PCDH9: variants seen among roughly 807,000 people sequenced by gnomAD.
The protein encoded by PCDH9 is protocadherin-9.
Under a neutral mutation model 70.6 loss-of-function variants are expected in PCDH9, and 24 were observed. That is an observed-to-expected ratio of 0.34 (90% CI 0.25 to 0.48). The LOEUF is 0.48. PCDH9 is among the 20% of genes least tolerant of loss of function. The probability of loss-of-function intolerance (pLI) is 0.99; values close to 1 mark genes in which losing one functional copy is unlikely to be tolerated. For missense variants in PCDH9, 1,281 were observed against 1,503.6 expected (o/e 0.85, Z 2.45); for synonymous variants, 562 against 558.5 (o/e 1.01, Z -0.09).
intron 3 of PCDH9, among the ~76,000 whole-genome samples, chr13:66,686,129 C>T (rs1488430577): frequency 6.6e-6 from 1 of 152,140 alleles, no homozygotes; most frequent in Non-Finnish European, 1.5e-5. Flanking sequence ...CCTGTGTCCC[C>T]ACCCAAATCT....
chr13:66,951,337 CT>C (rs1280982799), intron 2 of PCDH9, among the ~76,000 whole-genome samples: 1 of 152,136 alleles, frequency 6.6e-6, no homozygotes, highest in Non-Finnish European at 1.5e-5. Flanking sequence ...TGAAAGATGT[CT>C]CTGGAAAATC....
At chr13:66,632,020 A>G (rs934177945) in intron 3 of PCDH9, among the ~76,000 whole-genome samples, 12 of 152,146 alleles carry the variant, frequency 7.9e-5, no homozygotes, top group African/African-American at 2.7e-4. Context: ...CAGCCTTCCA[A>G]GTAGCTGGGA....
intron 2 of PCDH9, among the ~76,000 whole-genome samples, chr13:67,043,828 A>G (rs2085170000): frequency 6.6e-6 from 1 of 152,138 alleles, no homozygotes. Context: ...GATTAAATAT[A>G]CATAGCCTTG....
intron 2 of PCDH9, among the ~76,000 whole-genome samples, chr13:66,988,158 C>T (rs1012363885): frequency 8.6e-5 from 13 of 151,904 alleles, no homozygotes; most frequent in Admixed American, 2.6e-4. Flanking sequence ...ACCTTGGGAA[C>T]TTTTATTTCT....
chr13:67,052,695 G>A lies in PCDH9; in HGVS notation c.3037-149090C>T, dbSNP rs534422085. 3.7e-4 allele frequency among the ~76,000 whole-genome samples: 56 copies of A among 152,190 alleles called. 1 individual carries two copies. The South Asian group carries it at 8.3e-3, about 23-fold the overall frequency. ...GGGAGTGAATGTGGGTTGACTTAGG[G>A]AAGTGAGATTTTTATATAGATTATA... is the stretch of plus-strand genomic sequence containing the variant. On this transcript the variant is annotated intron_variant, in intron 2 of 4. Transcript: ENST00000377865.
chr13:66,949,991 G>A (rs1022325179), intron 2 of PCDH9, among the ~76,000 whole-genome samples: 15 of 151,952 alleles, frequency 9.9e-5, no homozygotes, highest in African/African-American at 2.4e-4. Flanking sequence ...TTCTAGGTTC[G>A]ATATTCACTT....
chr13:67,204,947 ATTAC>A (rs1000663694), intron 2 of PCDH9: 2 of 152,188 alleles, frequency 1.3e-5, no homozygotes, highest in Non-Finnish European at 1.5e-5. Flanking sequence ...CTAAAAAGAG[ATTAC>A]TTAAAGTGTT....
At chr13:66,469,590 A>G (rs1178369023) in intron 4 of PCDH9, among the ~76,000 whole-genome samples, 1 of 152,058 alleles carries the variant, frequency 6.6e-6, no homozygotes, top group East Asian at 1.9e-4. Flanking sequence ...GCTATCCACG[A>G]CCCAGTAGAT....
At chr13:66,434,061 C>T (rs1957822885) in intron 4 of PCDH9, among the ~76,000 whole-genome samples, 1 of 151,826 alleles carries the variant, frequency 6.6e-6, no homozygotes, top group Non-Finnish European at 1.5e-5. Flanking sequence ...TCCAATGTCC[C>T]TTTAACTTAC....
chr13:66,614,776 G>C (rs1244134761), intron 4 of PCDH9, among the ~76,000 whole-genome samples: 1 of 152,140 alleles, frequency 6.6e-6, no homozygotes, highest in Non-Finnish European at 1.5e-5. Context: ...TGCAGAAAGG[G>C]TACACTCGCC....
chr13:66,896,899 C>A (rs1235528517), intron 3 of PCDH9, among the ~76,000 whole-genome samples: 1 of 152,118 alleles, frequency 6.6e-6, no homozygotes, highest in Non-Finnish European at 1.5e-5. Flanking sequence ...AAGTAAAATT[C>A]TCATTTTTCT....
intron 4 of PCDH9, among the ~76,000 whole-genome samples, chr13:66,519,170 T>C (rs566989965): frequency 6.6e-6 from 1 of 152,288 alleles, no homozygotes; most frequent in Admixed American, 6.5e-5. Context: ...TTTGACATCC[T>C]ATTCTGATAA....
At chr13:66,609,170 A>C (rs954870874) in intron 4 of PCDH9, among the ~76,000 whole-genome samples, 7 of 152,228 alleles carry the variant, frequency 4.6e-5, no homozygotes, top group Non-Finnish European at 2.9e-5. Context: ...AGTAAATGAC[A>C]CACAATAAGA....
intron 3 of PCDH9, among the ~76,000 whole-genome samples, chr13:66,647,345 G>C (rs890055018): frequency 6.6e-6 from 1 of 152,054 alleles, no homozygotes; most frequent in Non-Finnish European, 1.5e-5. Flanking sequence ...CTTGCAACTT[G>C]CTTACAAGCT....
intron 4 of PCDH9, among the ~76,000 whole-genome samples, chr13:66,355,034 G>A (rs1802421941): frequency 2.0e-5 from 3 of 152,150 alleles, no homozygotes; most frequent in Admixed American, 1.3e-4. Flanking sequence ...TAATGCTGCC[G>A]GTCGGTCCAT....
intron 2 of PCDH9, among the ~76,000 whole-genome samples, chr13:67,066,218 GCAGGCCATAATTTGGGT>G (rs2085644471): frequency 6.6e-6 from 1 of 151,858 alleles, no homozygotes; most frequent in Non-Finnish European, 1.5e-5. Context: ...TCATTAAACA[GCAGGCCATAATTTGGGT>G]CAGCTTTTTT....
chr13:66,412,923 C>T (rs1314084944), intron 4 of PCDH9, among the ~76,000 whole-genome samples: 1 of 152,158 alleles, frequency 6.6e-6, no homozygotes, highest in Non-Finnish European at 1.5e-5. Context: ...AACAAGCACA[C>T]ACAGGGAATA....
chr13:66,494,250 C>CA (rs750556314), intron 4 of PCDH9, among the ~76,000 whole-genome samples: 1 of 151,964 alleles, frequency 6.6e-6, no homozygotes, highest in Non-Finnish European at 1.5e-5. Context: ...TTTAAGATGG[C>CA]AAAACTTCAG....
chr13:66,974,664 C>A (rs1286013622), intron 2 of PCDH9, among the ~76,000 whole-genome samples: 1 of 152,022 alleles, frequency 6.6e-6, no homozygotes, highest in Non-Finnish European at 1.5e-5. Context: ...ATGCGCCTAA[C>A]TCCTTAAAGC....
Sources: allele counts gnomAD v4.1 joint callset (sites outside exome capture counted in the v4.1 genomes callset), GRCh38; gene constraint gnomAD v4.1.1; transcripts MANE v1.5; gene names NCBI Gene and HGNC (gene_info 2026-07-23, HGNC 2026-07-21).